Variants in PANK2 observed in about 807,000 individuals in gnomAD.
PANK2 encodes the protein pantothenate kinase 2.
Under a neutral mutation model 43.1 loss-of-function variants are expected in PANK2, and 36 were observed. The ratio of observed to expected loss-of-function variants is 0.84; its 90% confidence interval spans 0.64 to 1.10. PANK2 has a LOEUF of 1.10. Among genes scored for constraint, PANK2 ranks in the 50% least tolerant of loss-of-function variants. The pLI is 0.00. For missense variants in PANK2, 576 were observed against 593.3 expected (o/e 0.97, Z 0.30); for synonymous variants, 281 against 238.2 (o/e 1.18, Z -1.66).
Position 3,913,983 on chromosome 20 carries a change from G to A in PANK2, c.1082+1349G>A, listed in dbSNP as rs187357887. The stretch of plus-strand genomic sequence containing the variant: ...TTTTTGTATTTTTAGCAGAGATGGG[G>A]TTTCACTATGTTGGCCAGGATGGTC... On this transcript the variant is annotated intron_variant, in intron 4 of 6. Coordinates refer to ENST00000610179, the MANE Select transcript of PANK2 (RefSeq NM_001386393.1). 4.5e-3 allele frequency among the ~76,000 whole-genome samples: 683 copies of A among 151,714 alleles called. 8 individuals are homozygous for A. The highest frequency in any genetic ancestry group is 0.041 in the Admixed American group (625 of 15,202).
intron 5 of PANK2, among the ~76,000 whole-genome samples, chr20:3,918,220 C>T (rs1295155365): frequency 6.6e-6 from 1 of 152,056 alleles, no homozygotes; most frequent in Non-Finnish European, 1.5e-5. Context: ...GGTGGAATTT[C>T]AGTTGCTTTT....
intron 4 of PANK2, among the ~76,000 whole-genome samples, chr20:3,916,202 C>G (rs936440274): frequency 6.6e-6 from 1 of 152,134 alleles, no homozygotes; most frequent in African/African-American, 2.4e-5. Flanking sequence ...TTCTCTAATG[C>G]TATTATAAAT....
intron 1 of PANK2, among the ~76,000 whole-genome samples, chr20:3,898,387 A>T (rs2090245313): frequency 6.6e-6 from 1 of 151,998 alleles, no homozygotes; most frequent in African/African-American, 2.4e-5. Context: ...TTTAGTAGAG[A>T]TGGGGTTTTA....
At chr20:3,917,169 T>A in intron 5 of PANK2, 119 bp downstream of exon 5, 1 of 1,366,934 alleles carries the variant, frequency 7.3e-7, no homozygotes, top group Admixed American at 1.8e-5. Flanking sequence ...GGGGTTTGTT[T>A]TAGCACGAAG....
At position 3,928,400 on chromosome 20, in the gene PANK2, C is replaced by CA. The variant is rs1394933904; in HGVS notation, c.*5106_*5107insA. On this transcript the variant is annotated 3_prime_UTR_variant, in exon 7 of 7. Coordinates refer to ENST00000610179, the MANE Select transcript of PANK2 (RefSeq NM_001386393.1). ...CGAGGCACAAGTCTGTGCCCCTACT[C>CA]CCAGGGCTGCCTGGAGGAAGCAGCT... 7 of 152,152 alleles carry CA rather than the reference C, an allele frequency of 4.6e-5. No individual in the cohort carries two copies. The highest frequency in any genetic ancestry group is 1.3e-4 in the Admixed American group (2 of 15,272). 9.4% of individuals were successfully genotyped at this position (152,152 alleles called of 1,614,324 possible).
chr20:3,892,071 C>T (rs1371577744), intron 1 of PANK2, among the ~76,000 whole-genome samples: 1 of 152,202 alleles, frequency 6.6e-6, no homozygotes, highest in African/African-American at 2.4e-5. Context: ...CGCAGTGGCT[C>T]ATGCCTGTAA....
intron 1 of PANK2, 159 bp downstream of exon 1, chr20:3,889,887 G>C: frequency 6.5e-7 from 1 of 1,532,582 alleles, no homozygotes; most frequent in Non-Finnish European, 8.7e-7. Context: ...TGGAGGCCTC[G>C]GGTGCTCCGA....
At chr20:3,922,136 T>C (rs1309142207) in intron 6 of PANK2, among the ~76,000 whole-genome samples, 1 of 152,262 alleles carries the variant, frequency 6.6e-6, no homozygotes, top group African/African-American at 2.4e-5. Context: ...TTCAGAGACT[T>C]TTAAAAAATC....
At chr20:3,913,985 T>G (rs1309767529) in intron 4 of PANK2, among the ~76,000 whole-genome samples, 4 of 151,798 alleles carry the variant, frequency 2.6e-5, no homozygotes, top group Non-Finnish European at 5.9e-5. Context: ...GAGATGGGGT[T>G]TCACTATGTT....
At chr20:3,915,383 C>T (rs2090542630) in intron 4 of PANK2, among the ~76,000 whole-genome samples, 1 of 152,086 alleles carries the variant, frequency 6.6e-6, no homozygotes, top group South Asian at 2.1e-4. Context: ...ACTGCAACCT[C>T]CACCTCCCGG....
chr20:3,894,357 T>C (rs6052149), intron 1 of PANK2, among the ~76,000 whole-genome samples: 102,733 of 150,860 alleles, frequency 0.68, 35,081 homozygotes, highest in Admixed American at 0.77. Context: ...TCTCCTGCCT[T>C]AGCCTCCCGA....
intron 1 of PANK2, among the ~76,000 whole-genome samples, chr20:3,906,012 G>A (rs925927442): frequency 4.0e-5 from 6 of 151,840 alleles, no homozygotes; most frequent in Admixed American, 2.6e-4. Context: ...CACCGTGCCC[G>A]GCCTAAACCC....
At chr20:3,899,785 G>T (rs2090271094) in intron 1 of PANK2, among the ~76,000 whole-genome samples, 1 of 140,486 alleles carries the variant, frequency 7.1e-6, no homozygotes, top group Non-Finnish European at 1.5e-5. Context: ...TTGGCTCACT[G>T]CAAGCTCCGC....
intron 4 of PANK2, among the ~76,000 whole-genome samples, 166 bp downstream of exon 4, chr20:3,912,800 A>G (rs2146873513): frequency 6.6e-6 from 1 of 152,086 alleles, no homozygotes; most frequent in South Asian, 2.1e-4. Flanking sequence ...AAATACAAAA[A>G]TTAGCTAGGC....
intron 6 of PANK2, among the ~76,000 whole-genome samples, chr20:3,920,982 T>C (rs2090637544): frequency 1.3e-5 from 2 of 152,238 alleles, no homozygotes; most frequent in African/African-American, 4.8e-5. Flanking sequence ...CATTTGTCCC[T>C]GTGTTTTCCA....
chr20:3,920,800 G>A (rs908618551), intron 6 of PANK2, among the ~76,000 whole-genome samples: 3 of 152,124 alleles, frequency 2.0e-5, no homozygotes, highest in Non-Finnish European at 4.4e-5. Flanking sequence ...AGCCGAGATC[G>A]CACCACTGCA....
Position 3,917,069 on chromosome 20 carries a change from CT to C in PANK2, c.1206+22del, listed in dbSNP as rs753332014. ...TAATGAAGTAAGGGGACATGGATTT[CT>C]TTAATTGCTCTAAGGAAAATACTGA... On this transcript the variant is annotated intron_variant, in intron 5 of 6. Coordinates refer to ENST00000610179, the MANE Select transcript of PANK2 (RefSeq NM_001386393.1). 1 of 1,613,666 alleles carries C rather than the reference CT, an allele frequency of 6.2e-7. No individual in the cohort carries two copies. Among genetic ancestry groups the C allele is most frequent in the Non-Finnish European group, 8.5e-7 (1 of 1,179,772 alleles).
intron 1 of PANK2, among the ~76,000 whole-genome samples, chr20:3,890,821 T>C (rs899961835): frequency 1.3e-5 from 2 of 152,256 alleles, no homozygotes; most frequent in African/African-American, 4.8e-5. Context: ...TTCAGTTCTT[T>C]TGTCTTTTTC....
In PANK2 at chr20:3,889,586, A is replaced by C; in HGVS notation, c.156A>C (p.Pro52=). 6.7e-7 allele frequency: 1 copy of C among 1,489,244 alleles called. No homozygotes were observed. The highest frequency in any genetic ancestry group is 8.9e-7 in the Non-Finnish European group (1 of 1,127,114). 92.3% of individuals were successfully genotyped at this position (1,489,244 alleles called of 1,614,324 possible). A position where few individuals can be genotyped will look rare whatever the true frequency, so the allele number is the denominator to read the frequency against. The change falls in exon 1 of 7, where the codon CCA becomes CCC. Residue 52 remains proline, a synonymous_variant. Transcript: ENST00000610179. ...ACCCCGAAGGGCGGCGGCAGGAGCCACTGCGGCGCCGGGCGAGCAGCGCGT... is the reference window on the plus strand; with the variant it reads ...ACCCCGAAGGGCGGCGGCAGGAGCCCCTGCGGCGCCGGGCGAGCAGCGCGT...
Sources: gnomAD v4.1 joint callset for allele counts (sites outside exome capture counted in the v4.1 genomes callset) on GRCh38, gnomAD v4.1.1 for gene constraint, MANE v1.5 for transcripts, NCBI Gene and HGNC (gene_info 2026-07-23, HGNC 2026-07-21) for gene names.